KIF26B: variants seen among roughly 807,000 people sequenced by gnomAD.
KIF26B encodes the protein kinesin family member 26B.
In KIF26B, 63 loss-of-function variants were observed where a neutral mutation model predicts 151.2. The ratio of observed to expected loss-of-function variants is 0.42; its 90% CI spans 0.34 to 0.51. KIF26B has a LOEUF of 0.51. Among genes scored for constraint, KIF26B ranks in the 20% least tolerant of loss-of-function variants. KIF26B has a pLI of 0.07. For synonymous variants in KIF26B, 1,357 were observed against 1,262.1 expected, an observed-to-expected ratio of 1.08 and a Z score of -1.59; for missense variants, 2,813 against 2,913.6, an observed-to-expected ratio of 0.97 and a Z score of 0.79.
intron 9 of KIF26B, among the ~76,000 whole-genome samples, chr1:245,637,756 TTG>T (rs2103177874): frequency 6.6e-6 from 1 of 152,048 alleles, no homozygotes; most frequent in Admixed American, 6.6e-5. Flanking sequence ...ATTAAAGAGA[TTG>T]TCTTTTCCCC....
At chr1:245,594,724 T>C (rs2043322750) in intron 5 of KIF26B, among the ~76,000 whole-genome samples, 1 of 152,214 alleles carries the variant, frequency 6.6e-6, no homozygotes, top group South Asian at 2.1e-4. Flanking sequence ...GGTAGCTTGG[T>C]GGGAATAGCA....
At chr1:245,526,303 T>C (rs1415946539) in intron 4 of KIF26B, among the ~76,000 whole-genome samples, 1 of 152,208 alleles carries the variant, frequency 6.6e-6, no homozygotes, top group Non-Finnish European at 1.5e-5. Context: ...GGAGGGGATG[T>C]GAATTTCTGC....
At chr1:245,284,236 G>C (rs951216859) in intron 2 of KIF26B, among the ~76,000 whole-genome samples, 5 of 152,252 alleles carry the variant, frequency 3.3e-5, no homozygotes, top group Middle Eastern at 3.4e-3. Context: ...TTTTCTAAAT[G>C]TTACTTTTAA....
intron 2 of KIF26B, among the ~76,000 whole-genome samples, chr1:245,165,261 G>A (rs1354901007): frequency 6.6e-6 from 1 of 152,166 alleles, no homozygotes; most frequent in South Asian, 2.1e-4. Flanking sequence ...AACCCGCCAT[G>A]GGGAGCTGCT....
At chr1:245,590,206 G>C (rs2043272585) in intron 5 of KIF26B, among the ~76,000 whole-genome samples, 1 of 151,688 alleles carries the variant, frequency 6.6e-6, no homozygotes, top group Non-Finnish European at 1.5e-5. Context: ...AAACCACCCG[G>C]CGAGTCAGAG....
chr1:245,220,802 G>GT (rs1429925065), intron 2 of KIF26B, among the ~76,000 whole-genome samples: 1 of 152,044 alleles, frequency 6.6e-6, no homozygotes, highest in Non-Finnish European at 1.5e-5. Context: ...GGGGGCTGGG[G>GT]TGGGTATGGA....
intron 2 of KIF26B, among the ~76,000 whole-genome samples, chr1:245,208,336 A>T (rs972010016): frequency 6.6e-6 from 1 of 152,220 alleles, no homozygotes; most frequent in Non-Finnish European, 1.5e-5. Context: ...GCTGTAATTT[A>T]CATCTATCTT....
intron 10 of KIF26B, among the ~76,000 whole-genome samples, chr1:245,681,543 G>C (rs1038095021): frequency 6.6e-6 from 1 of 152,148 alleles, no homozygotes; most frequent in South Asian, 2.1e-4. Context: ...ACTTACACAG[G>C]GTCACGTGGA....
At chr1:245,387,022 C>G (rs1173664) in intron 3 of KIF26B, among the ~76,000 whole-genome samples, 83,568 of 151,922 alleles carry the variant, frequency 0.55, 23,149 homozygotes, top group Admixed American at 0.6. Context: ...AATTCCCCTG[C>G]GCATCTGAAA....
intron 3 of KIF26B, among the ~76,000 whole-genome samples, chr1:245,408,097 G>A (rs423171): frequency 6.6e-6 from 1 of 152,162 alleles, no homozygotes; most frequent in East Asian, 1.9e-4. Context: ...AGCTGGCCTA[G>A]GAGTAGCCTC....
chr1:245,218,406 GTCTTTCT>G lies in KIF26B; in HGVS notation c.465+61727_465+61733del, dbSNP rs1251575994. Among the ~76,000 whole-genome samples, 3 of 152,228 alleles carry G rather than the reference GTCTTTCT, an allele frequency of 2.0e-5. No individual in the cohort carries two copies. Among genetic ancestry groups the G allele is most frequent in the African/African-American group, 7.2e-5 (3 of 41,450 alleles). ...AAAAGCAGAAGGGAACTCTATGGCT[GTCTTTCT>G]TCTCCCTGTTTACCTGTCCACCCAT... On this transcript the variant is annotated intron_variant, in intron 2 of 14. Transcript: ENST00000407071. This position sits in a 1 kb window ranked among gnomAD's most constrained non-coding sequence, Gnocchi z 4.1.
intron 2 of KIF26B, among the ~76,000 whole-genome samples, chr1:245,219,156 T>TG (rs759458373): frequency 1.2e-5 from 1 of 80,942 alleles, no homozygotes; most frequent in African/African-American, 4.0e-5. Context: ...TTTTTTTTTT[T>TG]GAGACGGAGT....
intron 10 of KIF26B, among the ~76,000 whole-genome samples, chr1:245,680,115 C>T (rs1358660541): frequency 6.6e-6 from 1 of 151,712 alleles, no homozygotes; most frequent in Non-Finnish European, 1.5e-5. Flanking sequence ...CTCTTTTGAA[C>T]CTTTCTCTTT....
chr1:245,638,656 T>C (rs1007041122), intron 9 of KIF26B, among the ~76,000 whole-genome samples: 1 of 151,866 alleles, frequency 6.6e-6, no homozygotes, highest in Non-Finnish European at 1.5e-5. Context: ...TGTTGAGGTA[T>C]GTTCCTTCTA....
intron 2 of KIF26B, among the ~76,000 whole-genome samples, chr1:245,308,882 C>T (rs533544115): frequency 7.9e-5 from 12 of 152,262 alleles, no homozygotes; most frequent in South Asian, 2.1e-4. Context: ...CCATTAGGCA[C>T]GAAGCTCGGG....
chr1:245,220,523 T>A lies in KIF26B; in HGVS notation c.465+63840T>A, dbSNP rs184033822. Among the ~76,000 whole-genome samples, 10 of 151,650 alleles carry A rather than the reference T, an allele frequency of 6.6e-5. No individual in the cohort carries two copies. In the East Asian group the frequency reaches 1.9e-3, roughly 30 times the overall value. On this transcript the variant is annotated intron_variant, in intron 2 of 14. Coordinates refer to ENST00000407071, the MANE Select transcript of KIF26B (RefSeq NM_018012.4). ...TTGGGTTTGGGAAGCCTCCGCGGGG[T>A]GAGGTGGAGAGTGCGCCTCACTAGT...
In KIF26B at chr1:245,685,392, G is replaced by T; in HGVS notation, c.2422-13G>T. ...CGGAAAGGCCACCACATTAACTGCC[G>T]TCTCACTCACAGTACACATCCAGCT... On this transcript the variant is annotated splice_polypyrimidine_tract_variant and intron_variant, in intron 11 of 14. Transcript: ENST00000407071. 1.3e-6 allele frequency: 2 copies of T among 1,589,296 alleles called. No homozygotes were observed. The highest frequency in any genetic ancestry group is 1.7e-6 in the Non-Finnish European group (2 of 1,163,200).
At position 245,355,553 on chromosome 1, in the gene KIF26B, G is replaced by A. The variant is rs188343824; in HGVS notation, c.466-11281G>A. Among the ~76,000 whole-genome samples the A allele has an allele frequency of 5.4e-3, 787 of 146,326 alleles. 10 individuals carry two copies. Among genetic ancestry groups the A allele is most frequent in the African/African-American group, 0.019 (763 of 39,510 alleles). On this transcript the variant is annotated intron_variant, in intron 2 of 14. Transcript: ENST00000407071. The stretch of plus-strand genomic sequence containing the variant: ...TGAGGCTGCAGTGAGCTGTGATCAC[G>A]CCACTGCATTTCAGCCTGGGCAACA...
At chr1:245,442,648 G>T (rs1010608552) in intron 4 of KIF26B, among the ~76,000 whole-genome samples, 1 of 151,950 alleles carries the variant, frequency 6.6e-6, no homozygotes, top group African/African-American at 2.4e-5. Context: ...AGAGGTGAGC[G>T]GTCATCTCCC....
Sources: allele counts gnomAD v4.1 joint callset (sites outside exome capture counted in the v4.1 genomes callset), GRCh38; gene constraint gnomAD v4.1.1; non-coding constraint Gnocchi (gnomAD v3.1); transcripts MANE v1.5; gene names NCBI Gene and HGNC (gene_info 2026-07-23, HGNC 2026-07-21).